CHODL: variants seen among roughly 807,000 people sequenced by gnomAD.
CHODL encodes chondrolectin, also known as transmembrane protein MT75.
CHODL carries 29 observed loss-of-function variants against 34.5 expected under a neutral mutation model. The ratio of observed to expected loss-of-function variants is 0.84; its 90% CI spans 0.63 to 1.15. CHODL has a LOEUF of 1.15. Among genes scored for constraint, CHODL ranks in the 50% most tolerant of loss-of-function variants. The pLI is 0.00. For missense variants in CHODL, 332 were observed against 332.5 expected (o/e 1.00, Z 0.01); for synonymous variants, 125 against 116.1 (o/e 1.08, Z -0.49).
chr21:18,009,167 C>T (rs1193577686), intron 1 of CHODL, among the ~76,000 whole-genome samples: 1 of 152,066 alleles, frequency 6.6e-6, no homozygotes, highest in Non-Finnish European at 1.5e-5. Context: ...TTCATGAATA[C>T]AATTCCGTTC....
chr21:18,163,211 G>A (rs1011931963), intron 2 of CHODL, among the ~76,000 whole-genome samples: 3 of 152,192 alleles, frequency 2.0e-5, no homozygotes, highest in Non-Finnish European at 4.4e-5. Flanking sequence ...GCAGGAAAGT[G>A]ATTTATTTAT....
intron 2 of CHODL, among the ~76,000 whole-genome samples, chr21:18,090,608 A>T (rs2065060611): frequency 1.3e-5 from 2 of 152,066 alleles, no homozygotes; most frequent in African/African-American, 2.4e-5. Context: ...TCTAAACTAA[A>T]GTGGAGGAAG....
chr21:18,129,140 G>A (rs530346278), intron 2 of CHODL, among the ~76,000 whole-genome samples: 7 of 152,058 alleles, frequency 4.6e-5, no homozygotes, highest in Non-Finnish European at 1.0e-4. Flanking sequence ...ATTAAAAAGA[G>A]TTTAATGATA....
Position 18,193,718 on chromosome 21 carries a change from A to G in CHODL, c.-44-62791A>G, listed in dbSNP as rs575801800. Reference sequence around the variant, plus strand: ...CTCAGAAAAAAAAAAAAATAAAATAAATAAATAAATAAATAAATAAATAAA... The same window carrying G: ...CTCAGAAAAAAAAAAAAATAAAATAGATAAATAAATAAATAAATAAATAAA... On this transcript the variant is annotated intron_variant, in intron 2 of 6. Transcript: ENST00000400127. 1.3e-3 allele frequency among the ~76,000 whole-genome samples: 188 copies of G among 144,624 alleles called. 1 individual carries two copies. Among genetic ancestry groups the G allele is most frequent in the Admixed American group, 2.0e-3 (28 of 13,796 alleles). The allele number at this position is 144,624 out of a possible 152,430, so 94.9% of individuals were successfully genotyped here. A position where few individuals can be genotyped will look rare whatever the true frequency, so the allele number is the denominator to read the frequency against.
In CHODL at chr21:18,135,093, T is replaced by TA. The variant is rs1164590266; in HGVS notation, c.-45+107123dup. Among the ~76,000 whole-genome samples, 5 of 152,344 alleles carry TA rather than the reference T, an allele frequency of 3.3e-5. No homozygotes were observed. In the East Asian group the frequency reaches 7.7e-4, roughly 24 times the overall value. On this transcript the variant is annotated intron_variant, in intron 2 of 6. Transcript: ENST00000400127. ...TTTGCATTATAAGAAAAACTACACT[T>TA]ACCGTAAGTAAATGGCACTCTCTAT... is the stretch of plus-strand genomic sequence containing the variant.
chr21:18,170,571 T>A (rs548548712), intron 2 of CHODL, among the ~76,000 whole-genome samples: 3 of 152,184 alleles, frequency 2.0e-5, no homozygotes, highest in Non-Finnish European at 4.4e-5. Context: ...TTTTATCTTT[T>A]TATTGGTTGT....
At chr21:18,230,556 C>G (rs889272304) in intron 2 of CHODL, among the ~76,000 whole-genome samples, 1 of 151,918 alleles carries the variant, frequency 6.6e-6, no homozygotes, top group Non-Finnish European at 1.5e-5. Context: ...CTTGTTGATA[C>G]CATATAATAT....
At chr21:18,176,895 G>A (rs1486912446) in intron 2 of CHODL, among the ~76,000 whole-genome samples, 3 of 151,996 alleles carry the variant, frequency 2.0e-5, no homozygotes, top group African/African-American at 7.2e-5. Context: ...TGACCCATGA[G>A]ACAGGCAACA....
intron 2 of CHODL, among the ~76,000 whole-genome samples, chr21:18,204,041 AT>A (rs910935773): frequency 6.6e-6 from 1 of 152,064 alleles, no homozygotes; most frequent in African/African-American, 2.4e-5. Flanking sequence ...CTAACATCTC[AT>A]TTTTACTCAA....
At chr21:18,170,635 C>A (rs1195072585) in intron 2 of CHODL, among the ~76,000 whole-genome samples, 1 of 151,924 alleles carries the variant, frequency 6.6e-6, no homozygotes, top group Non-Finnish European at 1.5e-5. Context: ...CAGTTAATAC[C>A]AACTTAATTT....
intron 2 of CHODL, among the ~76,000 whole-genome samples, chr21:18,105,541 C>G (rs1041932171): frequency 6.6e-6 from 1 of 152,076 alleles, no homozygotes; most frequent in Non-Finnish European, 1.5e-5. Context: ...TGCTTATAGG[C>G]CATGGACCCA....
chr21:18,245,521 C>T (rs2074129454), intron 1 of CHODL, among the ~76,000 whole-genome samples: 1 of 152,204 alleles, frequency 6.6e-6, no homozygotes, highest in African/African-American at 2.4e-5. Context: ...CGCTTGCTTA[C>T]GTAGCTGCGG....
intron 2 of CHODL, among the ~76,000 whole-genome samples, chr21:18,105,253 G>T (rs2065259583): frequency 6.6e-6 from 1 of 152,146 alleles, no homozygotes; most frequent in Non-Finnish European, 1.5e-5. Flanking sequence ...AGAGTAGGGG[G>T]TGAGGCAGAG....
At chr21:17,939,576 C>T (rs1292697777) in intron 1 of CHODL, among the ~76,000 whole-genome samples, 6 of 152,110 alleles carry the variant, frequency 3.9e-5, no homozygotes, top group African/African-American at 1.4e-4. Flanking sequence ...CATTACAAAT[C>T]CTTATTCATA....
intron 2 of CHODL, among the ~76,000 whole-genome samples, chr21:18,029,367 T>C (rs1198253210): frequency 6.6e-6 from 1 of 152,152 alleles, no homozygotes; most frequent in East Asian, 1.9e-4. Flanking sequence ...TGTTTGAATA[T>C]ATTATGAAGC....
intron 2 of CHODL, among the ~76,000 whole-genome samples, chr21:18,108,254 T>C (rs187364094): frequency 1.8e-3 from 273 of 152,310 alleles, no homozygotes; most frequent in African/African-American, 6.3e-3. Flanking sequence ...GATATGGTCC[T>C]TTAAATGCAT....
At chr21:18,215,674 T>A (rs1166181504) in intron 2 of CHODL, among the ~76,000 whole-genome samples, 1 of 152,212 alleles carries the variant, frequency 6.6e-6, no homozygotes, top group Non-Finnish European at 1.5e-5. Context: ...AGGGACCAAG[T>A]TAATTCTTGA....
chr21:17,926,977 GACACAC>G (rs1191930220), intron 1 of CHODL, among the ~76,000 whole-genome samples: 1 of 149,634 alleles, frequency 6.7e-6, no homozygotes, highest in African/African-American at 2.5e-5. Flanking sequence ...TAAATACACA[GACACAC>G]ACACACACAC....
chr21:18,173,177 C>T (rs1255979451), intron 2 of CHODL, among the ~76,000 whole-genome samples: 1 of 152,150 alleles, frequency 6.6e-6, no homozygotes, highest in Non-Finnish European at 1.5e-5. Context: ...CATTAGTTAA[C>T]CTAAATTCAA....
Sources: gnomAD v4.1 joint callset for allele counts (sites outside exome capture counted in the v4.1 genomes callset) on GRCh38, gnomAD v4.1.1 for gene constraint, MANE v1.5 for transcripts, NCBI Gene and HGNC (gene_info 2026-07-23, HGNC 2026-07-21) for gene names.